Variants in FHIT observed in about 807,000 individuals in gnomAD.
The protein encoded by FHIT is bis(5'-adenosyl)-triphosphatase.
FHIT carries 19 observed loss-of-function variants against 17.9 expected under a neutral mutation model. The observed-to-expected ratio is 1.06, with a 90% CI of 0.74 to 1.56. The LOEUF is 1.56. Among genes scored for constraint, FHIT ranks in the 40% most tolerant of loss-of-function variants. The pLI is 0.00. For synonymous variants in FHIT, 81 were observed against 69.7 expected (o/e 1.16, Z -0.81); for missense variants, 248 against 189.2 (o/e 1.31, Z -1.82).
At chr3:60,713,803 C>G (rs1213381686) in intron 4 of FHIT, among the ~76,000 whole-genome samples, 1 of 151,774 alleles carries the variant, frequency 6.6e-6, no homozygotes, top group African/African-American at 2.4e-5. Context: ...AGCTTACCAA[C>G]CAAAAAGAGT....
intron 5 of FHIT, among the ~76,000 whole-genome samples, chr3:60,127,081 T>C (rs1007569962): frequency 2.6e-5 from 4 of 152,160 alleles, no homozygotes; most frequent in Non-Finnish European, 5.9e-5. Context: ...TCAGGTACCT[T>C]ATCACTAGCT....
In FHIT at chr3:59,820,988, G is replaced by A. The variant is rs112066546; in HGVS notation, c.349-68667C>T. ...AAGGAAAGAAGATGTTTATGGGAAGGTGAGTAAGATTCGAATTAGGGACTT... is the reference window on the plus strand; with the variant it reads ...AAGGAAAGAAGATGTTTATGGGAAGATGAGTAAGATTCGAATTAGGGACTT... On this transcript the variant is annotated intron_variant, in intron 8 of 9. Coordinates refer to ENST00000492590, the MANE Select transcript of FHIT (RefSeq NM_002012.4). 2.6e-3 allele frequency among the ~76,000 whole-genome samples: 394 copies of A among 152,290 alleles called. 3 individuals are homozygous for A. Among genetic ancestry groups the A allele is most frequent in the Admixed American group, 6.8e-3 (104 of 15,302 alleles).
intron 1 of FHIT, among the ~76,000 whole-genome samples, chr3:61,219,627 TC>T (rs1180465587): frequency 2.6e-5 from 4 of 152,164 alleles, no homozygotes; most frequent in Non-Finnish European, 4.4e-5. Flanking sequence ...AAACTCTGTA[TC>T]CTTCATTTGA....
At chr3:60,406,500 G>T (rs1050578101) in intron 5 of FHIT, among the ~76,000 whole-genome samples, 2 of 152,072 alleles carry the variant, frequency 1.3e-5, no homozygotes, top group African/African-American at 4.8e-5. Flanking sequence ...AGAGACACAC[G>T]GCACTTCAGA....
intron 3 of FHIT, among the ~76,000 whole-genome samples, chr3:60,966,962 T>C (rs1450196218): frequency 6.6e-6 from 1 of 152,210 alleles, no homozygotes; most frequent in East Asian, 1.9e-4. Flanking sequence ...GTAATACTTC[T>C]CTTTCAAAAA....
chr3:60,528,860 G>A (rs915808967), intron 5 of FHIT, among the ~76,000 whole-genome samples: 2 of 152,296 alleles, frequency 1.3e-5, no homozygotes, highest in Admixed American at 1.3e-4. Context: ...TTAATAGGCT[G>A]ATGTCTGGCA....
intron 5 of FHIT, among the ~76,000 whole-genome samples, chr3:60,339,221 T>C (rs1710392297): frequency 6.6e-6 from 1 of 152,008 alleles, no homozygotes; most frequent in African/African-American, 2.4e-5. Flanking sequence ...TTTTCTTTCC[T>C]TTTTTTTCTT....
At chr3:60,617,945 G>T in intron 4 of FHIT, 1 of 263,280 alleles carries the variant, frequency 3.8e-6, no homozygotes, top group Non-Finnish European at 7.7e-6. Flanking sequence ...CTTGGGTTCT[G>T]GATTCAAGCA....
chr3:60,095,757 T>C (rs1246314333), intron 5 of FHIT, among the ~76,000 whole-genome samples: 1 of 152,214 alleles, frequency 6.6e-6, no homozygotes, highest in Non-Finnish European at 1.5e-5. Flanking sequence ...AACAACAGCC[T>C]GTTCGTTCTG....
At chr3:60,936,017 T>A (rs1204714203) in intron 3 of FHIT, among the ~76,000 whole-genome samples, 1 of 152,208 alleles carries the variant, frequency 6.6e-6, no homozygotes, top group African/African-American at 2.4e-5. Context: ...GAAACTTTTT[T>A]CTGTTGTGGC....
intron 2 of FHIT, among the ~76,000 whole-genome samples, chr3:61,179,118 T>C (rs772682009): frequency 1.3e-5 from 2 of 150,318 alleles, no homozygotes; most frequent in Non-Finnish European, 3.0e-5. Flanking sequence ...CAAGCAATTC[T>C]CCTGTCTCAG....
chr3:60,032,052 C>T (rs541204502), intron 5 of FHIT, among the ~76,000 whole-genome samples: 1 of 152,102 alleles, frequency 6.6e-6, no homozygotes, highest in African/African-American at 2.4e-5. Context: ...TACTATCACA[C>T]AATTATGATG....
At chr3:60,891,355 AG>A (rs1318836779) in intron 3 of FHIT, among the ~76,000 whole-genome samples, 1 of 152,194 alleles carries the variant, frequency 6.6e-6, no homozygotes, top group Non-Finnish European at 1.5e-5. Context: ...CACCCAGATC[AG>A]GTTGATCACC....
chr3:61,143,648 C>T (rs577018637), intron 2 of FHIT, among the ~76,000 whole-genome samples: 43 of 152,264 alleles, frequency 2.8e-4, no homozygotes, highest in Admixed American at 5.2e-4. Context: ...GGTGGATCAC[C>T]TGAGGTCAGG....
chr3:60,218,699 A>G (rs539039085), intron 5 of FHIT, among the ~76,000 whole-genome samples: 1 of 152,092 alleles, frequency 6.6e-6, no homozygotes, highest in Non-Finnish European at 1.5e-5. Context: ...TGTGATATCA[A>G]CAAACCCATA....
chr3:60,941,577 T>A (rs1410448439), intron 3 of FHIT, among the ~76,000 whole-genome samples: 2 of 152,152 alleles, frequency 1.3e-5, no homozygotes, highest in Non-Finnish European at 2.9e-5. Flanking sequence ...TATCCATGTT[T>A]TTATACTTTT....
chr3:59,817,562 TAA>T (rs10691937), intron 8 of FHIT, among the ~76,000 whole-genome samples: 10 of 93,914 alleles, frequency 1.1e-4, no homozygotes, highest in Non-Finnish European at 1.2e-4. Flanking sequence ...CACCCGTCAC[TAA>T]AAAAAAAAAA....
At chr3:60,543,416 A>C (rs1391438589) in intron 4 of FHIT, among the ~76,000 whole-genome samples, 1 of 152,224 alleles carries the variant, frequency 6.6e-6, no homozygotes, top group Non-Finnish European at 1.5e-5. Flanking sequence ...TTTAAATTGT[A>C]AGATGGGTGA....
chr3:59,768,233 C>T (rs919250925), intron 8 of FHIT, among the ~76,000 whole-genome samples: 5 of 152,186 alleles, frequency 3.3e-5, no homozygotes, highest in Admixed American at 6.6e-5. Context: ...AGTGCAATTT[C>T]GACTCCATCT....
Sources: allele counts gnomAD v4.1 joint callset (sites outside exome capture counted in the v4.1 genomes callset), GRCh38; gene constraint gnomAD v4.1.1; transcripts MANE v1.5; gene names NCBI Gene and HGNC (gene_info 2026-07-23, HGNC 2026-07-21).